BRD10: variants seen among roughly 807,000 people sequenced by gnomAD.
BRD10 encodes the protein uncharacterized bromodomain-containing protein 10.
chr9:5,924,006 A>T, the BRD10 span, among the ~76,000 whole-genome samples: 1 of 152,214 alleles, frequency 6.6e-6, no homozygotes, highest in African/African-American at 2.4e-5. Context: ...CTTTATCCTT[A>T]TTAAAATGAT....
the BRD10 span, among the ~76,000 whole-genome samples, chr9:5,911,685 C>T: frequency 6.6e-6 from 1 of 151,704 alleles, no homozygotes; most frequent in Non-Finnish European, 1.5e-5. Context: ...CAGGTGTGTG[C>T]CCCCATGCCC....
the BRD10 span, chr9:5,922,083 T>C: frequency 6.2e-7 from 1 of 1,613,984 alleles, no homozygotes; most frequent in Non-Finnish European, 8.5e-7. Context: ...GAAGATACAG[T>C]ATTGGGTGAA....
At chr9:5,976,704 A>C in the BRD10 span, among the ~76,000 whole-genome samples, 2 of 152,112 alleles carry the variant, frequency 1.3e-5, no homozygotes, top group African/African-American at 4.8e-5. Flanking sequence ...AGGAAATAAG[A>C]TAAAGGAACT....
the BRD10 span, chr9:5,897,454 T>C: frequency 9.6e-7 from 1 of 1,042,512 alleles, no homozygotes; most frequent in Non-Finnish European, 1.5e-6. Context: ...GATGCTGCTC[T>C]GGGTCGTCAA....
At chr9:5,969,471 C>G in the BRD10 span, 1 of 1,299,882 alleles carries the variant, frequency 7.7e-7, no homozygotes, top group Non-Finnish European at 1.0e-6. Context: ...TATTATTATT[C>G]AGAGGGTACC....
At chr9:5,945,620 T>C in the BRD10 span, among the ~76,000 whole-genome samples, 1 of 152,054 alleles carries the variant, frequency 6.6e-6, no homozygotes, top group South Asian at 2.1e-4. Flanking sequence ...CCAAAATAAT[T>C]ATTAATTACT....
the BRD10 span, chr9:5,910,759 G>A: frequency 6.6e-6 from 1 of 152,202 alleles, no homozygotes; most frequent in South Asian, 2.1e-4. Flanking sequence ...AATAGAAAGT[G>A]CCAGATTCAG....
chr9:5,967,968 A>G, the BRD10 span: 2 of 1,197,210 alleles, frequency 1.7e-6, no homozygotes. Flanking sequence ...AATGGAAAAA[A>G]CAATTTGAAT....
the BRD10 span, among the ~76,000 whole-genome samples, chr9:5,983,885 T>C: frequency 1.3e-5 from 2 of 151,562 alleles, no homozygotes; most frequent in Non-Finnish European, 2.9e-5. Flanking sequence ...TAAAAAACTA[T>C]GCATAGTAAA....
At chr9:5,908,546 A>C in the BRD10 span, 1 of 1,093,740 alleles carries the variant, frequency 9.1e-7, no homozygotes, top group Non-Finnish European at 1.4e-6. Flanking sequence ...GTCCACAGGG[A>C]AAGTATAAAT....
the BRD10 span, chr9:5,922,170 C>A: frequency 6.2e-7 from 1 of 1,613,910 alleles, no homozygotes; most frequent in Middle Eastern, 1.6e-4. Context: ...GACTGTGAAT[C>A]TCTTATGCAC....
chr9:5,909,866 C>T, the BRD10 span: 1 of 152,136 alleles, frequency 6.6e-6, no homozygotes, highest in Admixed American at 6.5e-5. Flanking sequence ...ATTTGTTTTC[C>T]TTTGGCTACA....
chr9:5,958,087 A>AG, the BRD10 span, among the ~76,000 whole-genome samples: 1 of 152,226 alleles, frequency 6.6e-6, no homozygotes, highest in Admixed American at 6.5e-5. Context: ...TAAAACAGAA[A>AG]GTGTCAGCCT....
the BRD10 span, among the ~76,000 whole-genome samples, chr9:5,973,829 C>G: frequency 7.9e-5 from 12 of 152,182 alleles, no homozygotes; most frequent in Non-Finnish European, 1.8e-4. Context: ...TTGCAGTGAG[C>G]TGTGTTCATG....
At chr9:5,960,354 G>C in the BRD10 span, among the ~76,000 whole-genome samples, 12 of 152,128 alleles carry the variant, frequency 7.9e-5, no homozygotes, top group African/African-American at 2.7e-4. Context: ...CTGAGGTCAG[G>C]AGTTCGAGAC....
the BRD10 span, chr9:6,008,195 G>A: frequency 5.1e-6 from 5 of 974,156 alleles, no homozygotes; most frequent in African/African-American, 5.3e-5. Flanking sequence ...AGGAGGAAGG[G>A]GGTTCTCCTC....
At chr9:5,994,231 G>A in the BRD10 span, among the ~76,000 whole-genome samples, 1 of 151,924 alleles carries the variant, frequency 6.6e-6, no homozygotes, top group East Asian at 1.9e-4. Flanking sequence ...ATCTAGCTTA[G>A]CTTATGTTTT....
the BRD10 span, among the ~76,000 whole-genome samples, chr9:5,883,869 T>C: frequency 6.6e-6 from 1 of 152,186 alleles, no homozygotes; most frequent in Non-Finnish European, 1.5e-5. Context: ...CCAGAGTTCC[T>C]GTTGCTCACA....
chr9:5,998,921 G>C, the BRD10 span, among the ~76,000 whole-genome samples: 2 of 151,920 alleles, frequency 1.3e-5, no homozygotes, highest in African/African-American at 4.8e-5. Context: ...GGAATACCTT[G>C]AAATACTATC....
Sources: gnomAD v4.1 joint callset for allele counts (sites outside exome capture counted in the v4.1 genomes callset) on GRCh38, gnomAD v4.1.1 for gene constraint, MANE v1.5 for transcripts, NCBI Gene and HGNC (gene_info 2026-07-23, HGNC 2026-07-21) for gene names.